TAB1: variants seen among roughly 807,000 people sequenced by gnomAD.
TAB1 encodes the protein TGF-beta activated kinase 1 (MAP3K7) binding protein 1.
In TAB1, 30 loss-of-function variants were observed where a neutral mutation model predicts 54.5. That is an observed-to-expected ratio of 0.55 (90% CI 0.41 to 0.75). The LOEUF (loss-of-function observed/expected upper bound fraction) is 0.75, where lower values mean the gene tolerates loss of function less well. TAB1 is among the 30% of genes least tolerant of loss of function. TAB1 has a pLI of 0.00. For synonymous variants in TAB1, 289 were observed against 286.9 expected (o/e 1.01, Z -0.07); for missense variants, 609 against 683.2 (o/e 0.89, Z 1.21).
chr22:39,428,483 C>CTTGTGGTG, intron 10 of TAB1, among the ~76,000 whole-genome samples: 1 of 152,324 alleles, frequency 6.6e-6, no homozygotes, highest in South Asian at 2.1e-4. Context: ...GGGGTGGCTT[C>CTTGTGGTG]CTGTGGTGTC....
At chr22:39,403,905 A>G (rs1230595284) in intron 1 of TAB1, among the ~76,000 whole-genome samples, 1 of 152,000 alleles carries the variant, frequency 6.6e-6, no homozygotes, top group Non-Finnish European at 1.5e-5. Flanking sequence ...CGGCCTCCCA[A>G]AGTGCTGGGA....
Position 39,415,247 on chromosome 22 carries a change from T to C in TAB1, c.170+105T>C. On this transcript the variant is annotated intron_variant, in intron 2 of 10. Coordinates refer to ENST00000216160, the MANE Select transcript of TAB1 (RefSeq NM_006116.3). The surrounding 1 kb of genome is among the most constrained non-coding windows in gnomAD (Gnocchi z 4.9). ...TTCTCGTATGGGCTTGCCAGTGACA[T>C]GTGGCCCGTGAGAGGTGGCCTCTGC... 3 of 1,400,098 alleles carry C rather than the reference T, an allele frequency of 2.1e-6. No homozygotes were observed. Among genetic ancestry groups the C allele is most frequent in the Non-Finnish European group, 2.9e-6 (3 of 1,037,568 alleles). The allele number at this position is 1,400,098 out of a possible 1,614,324, so 86.7% of individuals were successfully genotyped here.
rs199749210 is a variant in TAB1, at chr22:39,412,192, A to C, written c.34-2814A>C. Among the ~76,000 whole-genome samples, 28 of 152,140 alleles carry C rather than the reference A, an allele frequency of 1.8e-4. No individual in the cohort carries two copies. The East Asian group carries it at 5.2e-3, about 28-fold the overall frequency. On this transcript the variant is annotated intron_variant, in intron 1 of 10. Transcript: ENST00000216160. ...GTAGCTGGAATTACAGGTGTGCGCC[A>C]CCACGCCCGGCTGATTTTTGTATTT... is the stretch of plus-strand genomic sequence containing the variant.
intron 5 of TAB1, 73 bp from the exon 6 acceptor site, chr22:39,418,659 C>T: frequency 1.7e-6 from 2 of 1,176,618 alleles, no homozygotes; most frequent in Non-Finnish European, 2.5e-6. Context: ...TGCCTTTTCC[C>T]TCTCTGCCTT....
At chr22:39,407,686 T>C (rs1926426706) in intron 1 of TAB1, among the ~76,000 whole-genome samples, 1 of 152,044 alleles carries the variant, frequency 6.6e-6, no homozygotes, top group Admixed American at 6.6e-5. Flanking sequence ...GGGGTTTTGC[T>C]GTGTTAGCCA....
chr22:39,431,044 C>T lies in TAB1; in HGVS notation c.*822C>T. The T allele has an allele frequency of 1.0e-6, 1 of 985,710 alleles. No individual in the cohort carries two copies. The highest frequency in any genetic ancestry group is 1.2e-6 in the Non-Finnish European group (1 of 830,118). The allele number at this position is 985,710 out of a possible 1,614,324, so 61.1% of individuals were successfully genotyped here. On this transcript the variant is annotated 3_prime_UTR_variant, in exon 11 of 11. Transcript: ENST00000216160. ...CTTCTGGTGCTGTGAAGACCATAGG[C>T]TGGCAGGCAGCTGAGATGAACTGTC...
Position 39,415,389 on chromosome 22 carries a change from C to T in TAB1, c.171-111C>T, listed in dbSNP as rs1476413948. Reference sequence around the variant, plus strand: ...TAAAGCAGGGGGACCCAGGAGGGCCCCTGAAGCTGCAGCTGCTGTCGCTTT... The same window carrying T: ...TAAAGCAGGGGGACCCAGGAGGGCCTCTGAAGCTGCAGCTGCTGTCGCTTT... On this transcript the variant is annotated intron_variant, in intron 2 of 10. Transcript: ENST00000216160. The surrounding 1 kb of genome is among the most constrained non-coding windows in gnomAD (Gnocchi z 4.9). The T allele has an allele frequency of 6.6e-6, 9 of 1,357,600 alleles. No individual in the cohort carries two copies. Among genetic ancestry groups the T allele is most frequent in the Non-Finnish European group, 3.1e-6 (3 of 978,788 alleles). 84.1% of individuals were successfully genotyped at this position (1,357,600 alleles called of 1,614,324 possible). A position where few individuals can be genotyped will look rare whatever the true frequency, so the allele number is the denominator to read the frequency against.
Position 39,419,611 on chromosome 22 carries a change from A to G in TAB1, c.757A>G (p.Thr253Ala). ...GGATTACAAGGTTAAATATGGCTAC[A>G]CGGACATTGACCTTCTCAGGTAGGT... The part of the protein sequence containing the change: ...IGDYKVKYGY[T>A]DIDLLSAAKS... Residue 253 changes from threonine to alanine, a missense_variant, in exon 7 of 11, where the codon ACG becomes GCG. By Grantham distance (58) the Thr-to-Ala change is moderately conservative. Coordinates refer to ENST00000216160, the MANE Select transcript of TAB1 (RefSeq NM_006116.3). 2 of 1,611,120 alleles carry G rather than the reference A, an allele frequency of 1.2e-6. No homozygotes were observed. Among genetic ancestry groups the G allele is most frequent in the Non-Finnish European group, 1.7e-6 (2 of 1,178,070 alleles).
At chr22:39,408,243 C>T (rs891421650) in intron 1 of TAB1, among the ~76,000 whole-genome samples, 14 of 152,220 alleles carry the variant, frequency 9.2e-5, no homozygotes, top group Non-Finnish European at 1.6e-4. Context: ...GAACAAGGCA[C>T]GTGCTCAGTA....
In TAB1 at chr22:39,423,762, G is replaced by A. The variant is rs184699432; in HGVS notation, c.921+1791G>A. Reference sequence around the variant, plus strand: ...TTAGTAAACCAGTTATTCCAGTAGTGTACATTGTAAGTAATGTATAGTGTT... The same window carrying A: ...TTAGTAAACCAGTTATTCCAGTAGTATACATTGTAAGTAATGTATAGTGTT... On this transcript the variant is annotated intron_variant, in intron 8 of 10. Coordinates refer to ENST00000216160, the MANE Select transcript of TAB1 (RefSeq NM_006116.3). Among the ~76,000 whole-genome samples, 170 of 152,020 alleles carry A rather than the reference G, an allele frequency of 1.1e-3. 3 individuals carry two copies. The East Asian group carries it at 0.029, about 26-fold the overall frequency.
downstream of TAB1, chr22:39,433,410 C>T: frequency 2.1e-6 from 2 of 956,344 alleles, no homozygotes; most frequent in Non-Finnish European, 2.5e-6. Flanking sequence ...AAGATAGCAC[C>T]ACTGCACTCC....
At chr22:39,403,933 C>T (rs929901822) in intron 1 of TAB1, among the ~76,000 whole-genome samples, 5 of 152,212 alleles carry the variant, frequency 3.3e-5, no homozygotes, top group Admixed American at 1.3e-4. Flanking sequence ...CGTGAGCCAC[C>T]GTGCCCGGCC....
chr22:39,426,565 A>G (rs769162636), intron 8 of TAB1, 138 bp from the exon 9 acceptor site: 8 of 720,092 alleles, frequency 1.1e-5, no homozygotes, highest in Non-Finnish European at 1.8e-5. Flanking sequence ...TCAGATTGCA[A>G]ACTTGGCTGG....
chr22:39,418,343 G>A (rs918835943), intron 5 of TAB1, among the ~76,000 whole-genome samples: 3 of 152,102 alleles, frequency 2.0e-5, no homozygotes. Flanking sequence ...ACAATAGAGT[G>A]ACTGATATTT....
At chr22:39,428,836 C>G (rs1568987676) in intron 10 of TAB1, among the ~76,000 whole-genome samples, 1 of 152,256 alleles carries the variant, frequency 6.6e-6, no homozygotes, top group Non-Finnish European at 1.5e-5. Flanking sequence ...TAGAAAGGCC[C>G]TGGAGGGGGG....
intron 8 of TAB1, among the ~76,000 whole-genome samples, chr22:39,423,812 T>C (rs911134486): frequency 6.6e-6 from 1 of 152,190 alleles, no homozygotes; most frequent in African/African-American, 2.4e-5. Context: ...GTAACTAATG[T>C]ATAGTGTTTT....
downstream of TAB1, chr22:39,436,769 C>T (rs1282235334): frequency 3.4e-6 from 2 of 591,872 alleles, no homozygotes; most frequent in East Asian, 2.8e-5. Flanking sequence ...TCCTTCAGGA[C>T]CCAGCTCACT....
chr22:39,429,953 C>T (rs1340159727), intron 10 of TAB1, 62 bp from the exon 11 acceptor site: 3 of 1,599,648 alleles, frequency 1.9e-6, no homozygotes, highest in African/African-American at 2.7e-5. Flanking sequence ...TCTGTCCCCA[C>T]TCTGCCCCAG....
At position 39,430,384 on chromosome 22, in the gene TAB1, C is replaced by T. The variant is rs1417048163; in HGVS notation, c.*162C>T. 23 of 1,457,198 alleles carry T rather than the reference C, an allele frequency of 1.6e-5. No individual in the cohort carries two copies. The highest frequency in any genetic ancestry group is 1.9e-5 in the Non-Finnish European group (21 of 1,105,206). The allele number at this position is 1,457,198 out of a possible 1,614,324, so 90.3% of individuals were successfully genotyped here. A position where few individuals can be genotyped will look rare whatever the true frequency, so the allele number is the denominator to read the frequency against. On this transcript the variant is annotated 3_prime_UTR_variant, in exon 11 of 11. Transcript: ENST00000216160. ...CTCCGGGCAGTAGAGTGTGTGAGTGCAGACTGGACCTGTGGTTCATACCTT... is the reference window on the plus strand; with the variant it reads ...CTCCGGGCAGTAGAGTGTGTGAGTGTAGACTGGACCTGTGGTTCATACCTT...
Sources: gnomAD v4.1 joint callset for allele counts (sites outside exome capture counted in the v4.1 genomes callset) on GRCh38, gnomAD v4.1.1 for gene constraint, Gnocchi (gnomAD v3.1) non-coding constraint, MANE v1.5 for transcripts, NCBI Gene and HGNC (gene_info 2026-07-23, HGNC 2026-07-21) for gene names.